ZMYM1: variants seen among roughly 807,000 people sequenced by gnomAD.
ZMYM1 encodes the protein zinc finger MYM-type protein 1.
In ZMYM1, 39 loss-of-function variants were observed where a neutral mutation model predicts 60.0. The observed-to-expected ratio is 0.65, with a 90% CI of 0.50 to 0.85. The LOEUF (loss-of-function observed/expected upper bound fraction) is 0.85. Among genes scored for constraint, ZMYM1 ranks in the 40% least tolerant of loss-of-function variants. ZMYM1 has a pLI of 0.00. For missense variants in ZMYM1, 1,171 were observed against 1,309.5 expected (o/e 0.89, Z 1.63); for synonymous variants, 413 against 454.0 (o/e 0.91, Z 1.15).
At chr1:35,063,851 C>A (rs1382814326) in intron 1 of ZMYM1, among the ~76,000 whole-genome samples, 1 of 152,080 alleles carries the variant, frequency 6.6e-6, no homozygotes, top group Non-Finnish European at 1.5e-5. Flanking sequence ...AGGATCTGTC[C>A]GTCTTTACTT....
At chr1:35,090,658 C>T (rs548234388) in intron 1 of ZMYM1, among the ~76,000 whole-genome samples, 95 of 152,192 alleles carry the variant, frequency 6.2e-4, no homozygotes, top group Admixed American at 2.0e-3. Context: ...AGACTTAAGA[C>T]TTATTTGACT....
At chr1:35,059,973 C>T (rs1641841903) in intron 1 of ZMYM1, 1 of 152,064 alleles carries the variant, frequency 6.6e-6, no homozygotes, top group Admixed American at 6.6e-5. Context: ...TATAATTCAT[C>T]TCTAGGGTGC....
intron 1 of ZMYM1, among the ~76,000 whole-genome samples, chr1:35,060,461 G>GA (rs781665316): frequency 2.6e-3 from 389 of 152,064 alleles, no homozygotes; most frequent in Admixed American, 4.1e-3. Context: ...CGCCCGGCTG[G>GA]AAAAAATCTA....
chr1:35,084,452 C>T (rs1642553228), intron 1 of ZMYM1, among the ~76,000 whole-genome samples: 1 of 152,290 alleles, frequency 6.6e-6, no homozygotes, highest in African/African-American at 2.4e-5. Context: ...CCATTAGGCA[C>T]GTGGATAGTA....
chr1:35,070,610 T>C (rs1642049582), intron 1 of ZMYM1, among the ~76,000 whole-genome samples: 1 of 152,162 alleles, frequency 6.6e-6, no homozygotes, highest in Admixed American at 6.5e-5. Flanking sequence ...TTCATTTGCT[T>C]AATTCTTCTG....
At chr1:35,094,718 G>A (rs1282071453) in intron 2 of ZMYM1, among the ~76,000 whole-genome samples, 5 of 152,098 alleles carry the variant, frequency 3.3e-5, no homozygotes, top group Non-Finnish European at 7.4e-5. Context: ...GCATAGTGGT[G>A]CACGCCTGTA....
At chr1:35,087,721 C>T (rs1368156750) in intron 1 of ZMYM1, among the ~76,000 whole-genome samples, 1 of 152,094 alleles carries the variant, frequency 6.6e-6, no homozygotes, top group East Asian at 1.9e-4. Context: ...AGCCACCACG[C>T]CTGGCCTCGA....
intron 1 of ZMYM1, among the ~76,000 whole-genome samples, chr1:35,060,594 T>G (rs889909989): frequency 1.3e-5 from 2 of 151,950 alleles, no homozygotes; most frequent in Non-Finnish European, 2.9e-5. Flanking sequence ...CAGGCAGAGG[T>G]AGCTCTCAGT....
At chr1:35,082,410 A>C (rs991056968) in intron 1 of ZMYM1, among the ~76,000 whole-genome samples, 8 of 151,550 alleles carry the variant, frequency 5.3e-5, no homozygotes, top group African/African-American at 1.9e-4. Context: ...GGCTCACTGC[A>C]ACCTCCACCT....
At chr1:35,112,026 T>C in intron 8 of ZMYM1, 61 bp from the exon 9 acceptor site, 1 of 1,572,154 alleles carries the variant, frequency 6.4e-7, no homozygotes, top group Non-Finnish European at 8.6e-7. Flanking sequence ...AAATATAGTT[T>C]ATGATGCTAT....
intron 1 of ZMYM1, among the ~76,000 whole-genome samples, chr1:35,082,255 G>C (rs1019906431): frequency 1.3e-5 from 2 of 148,418 alleles, no homozygotes; most frequent in African/African-American, 5.0e-5. Context: ...TTTCTTTTGC[G>C]GGGGGTGAGT....
At chr1:35,109,855 T>C (rs1021121099) in intron 6 of ZMYM1, among the ~76,000 whole-genome samples, 1 of 152,120 alleles carries the variant, frequency 6.6e-6, no homozygotes, top group Non-Finnish European at 1.5e-5. Flanking sequence ...CAAGTGATTC[T>C]CCTGCCTCAG....
intron 1 of ZMYM1, among the ~76,000 whole-genome samples, chr1:35,069,712 G>C (rs1416677629): frequency 6.6e-6 from 1 of 151,966 alleles, no homozygotes; most frequent in African/African-American, 2.4e-5. Context: ...GTAATTTAAT[G>C]GTTTCAGGTT....
chr1:35,095,872 T>C lies in ZMYM1; in HGVS notation c.150T>C (p.Asn50=), dbSNP rs752688180. The change falls in exon 3 of 10, where the codon AAT becomes AAC. Residue 50 remains asparagine, a synonymous_variant. Transcript: ENST00000359858. ...CTCAGGAGAATGAACTGAAAATAAATGCTGTGTTTTCAGAGAGTGGTAATA... is the reference window on the plus strand; with the variant it reads ...CTCAGGAGAATGAACTGAAAATAAACGCTGTGTTTTCAGAGAGTGGTAATA... The part of the protein sequence containing the change: ...SRTQENELKI[N]AVFSESASQL... The C allele has an allele frequency of 1.2e-5, 19 of 1,609,554 alleles. No homozygotes were observed. The highest frequency in any genetic ancestry group is 1.4e-5 in the Non-Finnish European group (16 of 1,177,006).
At chr1:35,094,191 T>C in intron 2 of ZMYM1, 108 bp downstream of exon 2, 1 of 831,342 alleles carries the variant, frequency 1.2e-6, no homozygotes, top group Non-Finnish European at 1.8e-6. Context: ...CCTTATCTCC[T>C]CCAAAGCAGT....
chr1:35,064,757 G>T (rs1160945457), intron 1 of ZMYM1, among the ~76,000 whole-genome samples: 2 of 147,926 alleles, frequency 1.4e-5, no homozygotes, highest in African/African-American at 2.5e-5. Context: ...CGTGATCTCG[G>T]CTCACTGCAA....
chr1:35,097,647 CT>C, intron 4 of ZMYM1, 81 bp downstream of exon 4: 1 of 1,553,506 alleles, frequency 6.4e-7, no homozygotes, highest in Non-Finnish European at 8.8e-7. Context: ...TCTACATTTT[CT>C]TTTTTTATTT....
chr1:35,063,623 C>T lies in ZMYM1; in HGVS notation c.-301+3698C>T, dbSNP rs912417216. Among the ~76,000 whole-genome samples the T allele has an allele frequency of 4.6e-5, 7 of 151,978 alleles. No homozygotes were observed. In the East Asian group the frequency reaches 5.8e-4, roughly 13 times the overall value. On this transcript the variant is annotated intron_variant, in intron 1 of 10. Coordinates refer to the ZMYM1 transcript ENST00000417119. ...TAGCTTCTATCTAAATTCTATCGTC[C>T]GGAACCCAAGACATAAGGCCGCAGC...
intron 1 of ZMYM1, among the ~76,000 whole-genome samples, chr1:35,072,524 A>T (rs78588746): frequency 1.3e-5 from 2 of 151,410 alleles, no homozygotes; most frequent in East Asian, 1.9e-4. Flanking sequence ...GATCTTTTGA[A>T]TTTTTTTTAG....
Sources: allele counts gnomAD v4.1 joint callset (sites outside exome capture counted in the v4.1 genomes callset), GRCh38; gene constraint gnomAD v4.1.1; transcripts MANE v1.5; gene names NCBI Gene and HGNC (gene_info 2026-07-23, HGNC 2026-07-21).